The following USF3 variants were observed in gnomAD, a reference collection of about 807,000 sequenced individuals.
USF3 encodes upstream transcription factor family member 3.
Under a neutral mutation model 157.5 loss-of-function variants are expected in USF3, and 29 were observed. The ratio of observed to expected loss-of-function variants is 0.18; its 90% CI spans 0.14 to 0.25. USF3 has a LOEUF of 0.25. Ranked by LOEUF, USF3 falls within the 10% of genes least tolerant of loss-of-function variation. The pLI, the probability that USF3 is intolerant of heterozygous loss-of-function variation, is 1.00. For missense variants in USF3, 2,381 were observed against 2,667.6 expected (o/e 0.89, Z 2.37); for synonymous variants, 893 against 941.4 (o/e 0.95, Z 0.94).
Position 113,655,355 on chromosome 3 carries a change from G to A in USF3, c.6327C>T (p.Ser2109=), listed in dbSNP as rs372130491. ...GAGCAGGAGAGTATGGAGGATAGAA[G>A]GAGGGCAGAGTATTTTGCGGATCTA... is the stretch of plus-strand genomic sequence containing the variant. ...IPVDPQNTLP[S]FYPPYSPAHP... Residue 2109 remains serine (S), a synonymous_variant, in exon 7 of 7, where the codon TCC becomes TCT. Transcript: ENST00000316407. 2 of 1,613,950 alleles carry A rather than the reference G, an allele frequency of 1.2e-6. No individual in the cohort carries two copies. The highest frequency in any genetic ancestry group is 1.3e-5 in the African/African-American group (1 of 74,934).
chr3:113,693,615 T>C (rs1033421761), intron 1 of USF3, among the ~76,000 whole-genome samples: 1 of 152,022 alleles, frequency 6.6e-6, no homozygotes, highest in African/African-American at 2.4e-5. Flanking sequence ...AAAACCACTG[T>C]GAAAGAGATG....
In USF3 at chr3:113,660,710, T is replaced by C. The variant is rs748869289; in HGVS notation, c.972A>G (p.Ile324Met). Residue 324 changes from isoleucine (I) to methionine (M), a missense_variant, in exon 7 of 7, where the codon ATA (isoleucine) becomes ATG (methionine). Physicochemically the swap from Ile to Met is conservative, Grantham distance 10. Around this residue, in one of 6 missense-constraint regions of USF3, gnomAD observed 1,435 missense variants for 1,550.9 expected, o/e 0.93. Coordinates refer to ENST00000316407, the MANE Select transcript of USF3 (RefSeq NM_001009899.4). The part of the protein sequence containing the change: ...VHHGNKSCLS[I>M]QDFRGDFQNT... ...TTTGAAAATCACCTCTGAAGTCCTG[T>C]ATGCTCAGGCAGGACTTGTTTCCAT... 35 of 1,614,096 alleles carry C rather than the reference T, an allele frequency of 2.2e-5. No homozygotes were observed. The highest frequency in any genetic ancestry group is 2.8e-5 in the Non-Finnish European group (33 of 1,180,034).
In USF3 at chr3:113,660,967, G is replaced by A; in HGVS notation, c.715C>T (p.Leu239Phe). 1 of 1,614,172 alleles carries A rather than the reference G, an allele frequency of 6.2e-7. No individual in the cohort carries two copies. The highest frequency in any genetic ancestry group is 2.2e-5 in the East Asian group (1 of 44,886). The change falls in exon 7 of 7, where the codon CTT becomes TTT. Residue 239 changes from leucine (L) to phenylalanine (F), a missense_variant. Around this residue, in one of 6 missense-constraint regions of USF3, gnomAD observed 1,435 missense variants for 1,550.9 expected, o/e 0.93. Coordinates refer to ENST00000316407, the MANE Select transcript of USF3 (RefSeq NM_001009899.4). ...AAISAQSILE[L>F]PTSESESNVL... ...TTTGATTCGCTTTCAGAGGTGGGAA[G>A]CTCGAGAATACTCTGAGCAGAAATG...
At position 113,683,390 on chromosome 3, in the gene USF3, A is replaced by AT. The variant is rs889361644; in HGVS notation, c.-134-5994dup. On this transcript the variant is annotated intron_variant, in intron 1 of 6. Coordinates refer to ENST00000316407, the MANE Select transcript of USF3 (RefSeq NM_001009899.4). ...TAAAACTATAGTTTACTTCATGAAC[A>AT]TAAGAGTAAACAGAAAATCTCAATC... 1.1e-4 allele frequency among the ~76,000 whole-genome samples: 16 copies of AT among 141,440 alleles called. 1 individual carries two copies. The highest frequency in any genetic ancestry group is 3.6e-4 in the Admixed American group (5 of 13,984). The allele number at this position is 141,440 out of a possible 152,430, so 92.8% of individuals were successfully genotyped here. A position where few individuals can be genotyped will look rare whatever the true frequency, so the allele number is the denominator to read the frequency against.
intron 1 of USF3, among the ~76,000 whole-genome samples, chr3:113,684,176 G>T (rs1707497658): frequency 6.6e-6 from 1 of 152,130 alleles, no homozygotes; most frequent in Non-Finnish European, 1.5e-5. Context: ...TATGTCATCT[G>T]ACTCTCTCCT....
chr3:113,674,890 T>C lies in USF3; in HGVS notation c.-12A>G, dbSNP rs1180149642. Reference sequence around the variant, plus strand: ...GTCATTTCTGGCATGGTTACAGTAATAGGAACCTACAGAAGGATAGAAAGA... The same window carrying C: ...GTCATTTCTGGCATGGTTACAGTAACAGGAACCTACAGAAGGATAGAAAGA... On this transcript the variant is annotated 5_prime_UTR_variant, in exon 3 of 7. Transcript: ENST00000316407. The C allele has an allele frequency of 1.2e-6, 2 of 1,608,268 alleles. No homozygotes were observed. The highest frequency in any genetic ancestry group is 1.7e-4 in the Middle Eastern group (1 of 6,052).
At chr3:113,689,855 C>T (rs772497843) in intron 1 of USF3, among the ~76,000 whole-genome samples, 47 of 152,196 alleles carry the variant, frequency 3.1e-4, no homozygotes, top group Non-Finnish European at 1.8e-4. Context: ...TTCTCCTCTC[C>T]AATTATGCAT....
chr3:113,681,342 T>C (rs1559721991), intron 1 of USF3, among the ~76,000 whole-genome samples: 1 of 152,090 alleles, frequency 6.6e-6, no homozygotes, highest in Admixed American at 6.6e-5. Context: ...CTATATCCCA[T>C]AGTGTTTTGT....
At position 113,670,162 on chromosome 3, in the gene USF3, T is replaced by C. The variant is rs1707115928; in HGVS notation, c.118A>G (p.Arg40Gly). The change falls in exon 5 of 7, where the codon AGA becomes GGA. Residue 40 changes from arginine (R) to glycine (G), a missense_variant. By Grantham distance (125) the Arg-to-Gly change is moderately radical. Coordinates refer to ENST00000316407, the MANE Select transcript of USF3 (RefSeq NM_001009899.4). The stretch of plus-strand genomic sequence containing the variant: ...GAACATGGGATCAGCTCTCCTATTC[T>C]GTTTATCCCAGCATTAATTTTCTTC... ...RKKKINAGIN[R>G]IGELIPCSPA... 1.9e-6 allele frequency: 3 copies of C among 1,613,754 alleles called. No homozygotes were observed. Among genetic ancestry groups the C allele is most frequent in the Non-Finnish European group, 2.5e-6 (3 of 1,179,598 alleles).
Position 113,649,526 on chromosome 3 carries a change from T to A in USF3, c.*5418A>T, listed in dbSNP as rs928192700. ...TTTTTTTTTGTTTTTTGTTTTTTTTTACAAATCAACATCAAAGATGGCTCA... is the reference window on the plus strand; with the variant it reads ...TTTTTTTTTGTTTTTTGTTTTTTTTAACAAATCAACATCAAAGATGGCTCA... On this transcript the variant is annotated 3_prime_UTR_variant, in exon 7 of 7. Transcript: ENST00000316407. 6.7e-6 allele frequency: 2 copies of A among 297,574 alleles called. No homozygotes were observed. Among genetic ancestry groups the A allele is most frequent in the Non-Finnish European group, 1.2e-5 (2 of 162,698 alleles). The allele number at this position is 297,574 out of a possible 1,614,324, so 18.4% of individuals were successfully genotyped here.
intron 1 of USF3, among the ~76,000 whole-genome samples, chr3:113,685,386 C>T (rs574667200): frequency 6.6e-6 from 1 of 152,226 alleles, no homozygotes; most frequent in Non-Finnish European, 1.5e-5. Flanking sequence ...CCCAGGGGCT[C>T]TTTAGTCAGC....
At position 113,658,231 on chromosome 3, in the gene USF3, C is replaced by T. The variant is rs1947404422; in HGVS notation, c.3451G>A (p.Val1151Ile). 1 of 1,614,038 alleles carries T rather than the reference C, an allele frequency of 6.2e-7. No homozygotes were observed. Among genetic ancestry groups the T allele is most frequent in the African/African-American group, 1.3e-5 (1 of 74,922 alleles). The change falls in exon 7 of 7, where the codon GTT (valine) becomes ATT (isoleucine). Residue 1151 changes from valine to isoleucine, a missense_variant. Physicochemically the swap from Val to Ile is conservative, Grantham distance 29. This residue lies in a region of USF3 where 1,435 missense variants were observed against 1,550.9 expected (regional missense o/e 0.93). Coordinates refer to ENST00000316407, the MANE Select transcript of USF3 (RefSeq NM_001009899.4). The part of the protein sequence containing the change: ...FDQENLEKGR[V>I]GLQADIREVA... Reference sequence around the variant, plus strand: ...TCCCTTATATCAGCCTGGAGGCCAACTCTCCCCTTCTCAAGGTTCTCCTGG... The same window carrying T: ...TCCCTTATATCAGCCTGGAGGCCAATTCTCCCCTTCTCAAGGTTCTCCTGG...
intron 1 of USF3, among the ~76,000 whole-genome samples, chr3:113,680,062 T>C (rs985398836): frequency 1.4e-5 from 2 of 145,536 alleles, no homozygotes; most frequent in African/African-American, 5.1e-5. Context: ...TCTTTTTTTT[T>C]TTTTTTTTTT....
intron 5 of USF3, among the ~76,000 whole-genome samples, chr3:113,666,231 A>G (rs977254931): frequency 1.4e-5 from 2 of 147,910 alleles, no homozygotes; most frequent in African/African-American, 4.9e-5. Context: ...ACTTCCATAT[A>G]GCATCTAGAC....
chr3:113,658,410 C>G lies in USF3; in HGVS notation c.3272G>C (p.Ser1091Thr). ...GRQADSPMST[S>T]SGSSRSFSVA... ...TGAGAAACTACGACTACTGCCAGAG[C>G]TGGTTGACATGGGAGAGTCGGCCTG... Residue 1091 changes from serine to threonine, a missense_variant, in exon 7 of 7, where the codon AGC becomes ACC. Around this residue, in one of 6 missense-constraint regions of USF3, gnomAD observed 1,435 missense variants for 1,550.9 expected, o/e 0.93. Transcript: ENST00000316407. 2 of 1,614,136 alleles carry G rather than the reference C, an allele frequency of 1.2e-6. No individual in the cohort carries two copies. The highest frequency in any genetic ancestry group is 1.7e-6 in the Non-Finnish European group (2 of 1,180,030).
rs550087928 is a variant in USF3 at position 113,661,198 on chromosome 3, C to T, written c.484G>A (p.Gly162Arg). The T allele has an allele frequency of 6.2e-7, 1 of 1,614,082 alleles. No homozygotes were observed. The highest frequency in any genetic ancestry group is 1.1e-5 in the South Asian group (1 of 91,072). The change falls in exon 7 of 7, where the codon GGA becomes AGA. Residue 162 changes from glycine (G) to arginine (R), a missense_variant. Gly to Arg is a moderately radical substitution (Grantham distance 125). This residue lies in a region of USF3 where 1,435 missense variants were observed against 1,550.9 expected (regional missense o/e 0.93). Coordinates refer to ENST00000316407, the MANE Select transcript of USF3 (RefSeq NM_001009899.4). Reference protein sequence around the residue: ...NGNQPGGNSQGTAVQGITFNV... With the variant: ...NGNQPGGNSQRTAVQGITFNV... ...AAAGTTATCCCCTGAACAGCTGTTC[C>T]CTGGCTGTTTCCACCAGGCTGATTC... is the stretch of plus-strand genomic sequence containing the variant.
chr3:113,680,053 C>CTTTTTTTTTTTTTTT lies in USF3; in HGVS notation c.-134-2671_-134-2657dup, dbSNP rs71131103. Among the ~76,000 whole-genome samples, 121 of 58,604 alleles carry CTTTTTTTTTTTTTTT rather than the reference C, an allele frequency of 2.1e-3. 2 individuals carry two copies. Among genetic ancestry groups the CTTTTTTTTTTTTTTT allele is most frequent in the Admixed American group, 2.4e-3 (10 of 4,088 alleles). 38.4% of individuals were successfully genotyped at this position (58,604 alleles called of 152,430 possible). On this transcript the variant is annotated intron_variant, in intron 1 of 6. Transcript: ENST00000316407. Reference sequence around the variant, plus strand: ...ACCACAGATATTGGCCTGTAGTTTTCTTTTTTTTTTTTTTTTTTTTTTTTG... The same window carrying CTTTTTTTTTTTTTTT: ...ACCACAGATATTGGCCTGTAGTTTTCTTTTTTTTTTTTTTTTTTTTTTTTTTTTTTTTTTTTTTTG...
At chr3:113,665,742 T>C (rs1361850497) in intron 5 of USF3, among the ~76,000 whole-genome samples, 1 of 152,114 alleles carries the variant, frequency 6.6e-6, no homozygotes, top group African/African-American at 2.4e-5. Context: ...ACAAGAGAAC[T>C]GCTTGAACCT....
In USF3 at chr3:113,657,630, G is replaced by C. The variant is rs1577028379; in HGVS notation, c.4052C>G (p.Pro1351Arg). 1.9e-6 allele frequency: 3 copies of C among 1,614,190 alleles called. No homozygotes were observed. The highest frequency in any genetic ancestry group is 2.5e-6 in the Non-Finnish European group (3 of 1,180,032). The part of the protein sequence containing the change: ...AKRQKHCQPA[P>R]LRLESMSLMS... ...CAGGGACATACTTTCAAGCCTGAGG[G>C]GGGCTGGCTGACAGTGCTTTTGACG... Residue 1351 changes from proline (P) to arginine (R), a missense_variant, in exon 7 of 7, where the codon CCC becomes CGC. By Grantham distance (103) the Pro-to-Arg change is moderately radical. Transcript: ENST00000316407.
Sources: gnomAD v4.1 joint callset for allele counts (sites outside exome capture counted in the v4.1 genomes callset) on GRCh38, gnomAD v4.1.1 for gene constraint, gnomAD v4.1.1 regional missense constraint, MANE v1.5 for transcripts, NCBI Gene and HGNC (gene_info 2026-07-23, HGNC 2026-07-21) for gene names.